The following DZANK1 variants were observed in gnomAD, a reference collection of about 807,000 sequenced individuals.
DZANK1 encodes the protein double zinc ribbon and ankyrin repeat domains 1.
In DZANK1, 91 loss-of-function variants were observed where a neutral mutation model predicts 94.5. The ratio of observed to expected loss-of-function variants is 0.96; its 90% CI spans 0.81 to 1.15. The LOEUF (loss-of-function observed/expected upper bound fraction) is 1.15, where lower values mean the gene tolerates loss of function less well. Ranked by LOEUF, DZANK1 falls within the 50% of genes most tolerant of loss-of-function variation. The probability of loss-of-function intolerance (pLI) is 0.00; values close to 1 mark genes in which losing one functional copy is unlikely to be tolerated. For synonymous variants in DZANK1, 312 were observed against 325.3 expected, an observed-to-expected ratio of 0.96 and a Z score of 0.44; for missense variants, 903 against 916.4, an observed-to-expected ratio of 0.99 and a Z score of 0.19.
intron 13 of DZANK1, among the ~76,000 whole-genome samples, chr20:18,404,152 C>T (rs1295114630): frequency 6.6e-6 from 1 of 151,812 alleles, no homozygotes; most frequent in Non-Finnish European, 1.5e-5. Flanking sequence ...CAACAGCTAC[C>T]ATTAGCATTA....
intron 7 of DZANK1, among the ~76,000 whole-genome samples, chr20:18,448,014 C>G (rs1449356590): frequency 6.6e-6 from 1 of 152,056 alleles, no homozygotes. Flanking sequence ...TAATTTTTAT[C>G]AATTTATTTA....
chr20:18,459,093 C>G (rs542379643), intron 3 of DZANK1, among the ~76,000 whole-genome samples: 1 of 152,348 alleles, frequency 6.6e-6, no homozygotes, highest in East Asian at 1.9e-4. Context: ...ATTGCCTCTT[C>G]ATTTTACTAC....
chr20:18,403,723 C>T (rs1238795678), intron 13 of DZANK1, among the ~76,000 whole-genome samples: 4 of 45,622 alleles, frequency 8.8e-5, no homozygotes, highest in African/African-American at 2.0e-4. Context: ...CAACCCACAG[C>T]CCATGGGTTG....
chr20:18,459,071 G>C (rs2059387251), intron 3 of DZANK1, among the ~76,000 whole-genome samples: 1 of 152,130 alleles, frequency 6.6e-6, no homozygotes, highest in African/African-American at 2.4e-5. Flanking sequence ...AAACTGCATA[G>C]TCAGTCATTA....
chr20:18,442,704 T>A (rs1016320771), intron 8 of DZANK1, among the ~76,000 whole-genome samples: 5 of 152,196 alleles, frequency 3.3e-5, no homozygotes, highest in African/African-American at 1.2e-4. Context: ...AAAATTGTAA[T>A]TTTTCACTCA....
At chr20:18,447,511 A>G (rs1238740247) in intron 7 of DZANK1, among the ~76,000 whole-genome samples, 2 of 151,442 alleles carry the variant, frequency 1.3e-5, no homozygotes, top group African/African-American at 2.4e-5. Flanking sequence ...TATTTTTAGT[A>G]GAGATGGGGT....
At chr20:18,411,894 C>T (rs1300581240) in intron 13 of DZANK1, among the ~76,000 whole-genome samples, 1 of 152,132 alleles carries the variant, frequency 6.6e-6, no homozygotes, top group Non-Finnish European at 1.5e-5. Flanking sequence ...TGCCTCGTTG[C>T]TGCATCCTCC....
chr20:18,446,084 A>G (rs1040772367), intron 7 of DZANK1, among the ~76,000 whole-genome samples: 13 of 152,224 alleles, frequency 8.5e-5, no homozygotes, highest in African/African-American at 1.2e-4. Context: ...AAAAAGAAAA[A>G]AAGTTTTTTA....
chr20:18,417,779 A>G lies in DZANK1; in HGVS notation c.955-2330T>C, dbSNP rs186492053. Among the ~76,000 whole-genome samples, 228 of 152,230 alleles carry G rather than the reference A, an allele frequency of 1.5e-3. 1 individual carries two copies. Among genetic ancestry groups the G allele is most frequent in the African/African-American group, 5.3e-3 (219 of 41,534 alleles). On this transcript the variant is annotated intron_variant, in intron 10 of 20. Coordinates refer to ENST00000262547, the Ensembl canonical transcript of DZANK1. ...ATAATAAATGACTCCCACACAAAAAACAACTATAAAATCTGCTGATAATAG... is the reference window on the plus strand; with the variant it reads ...ATAATAAATGACTCCCACACAAAAAGCAACTATAAAATCTGCTGATAATAG...
At chr20:18,409,188 A>T (rs2057108658) in intron 13 of DZANK1, among the ~76,000 whole-genome samples, 3 of 152,172 alleles carry the variant, frequency 2.0e-5, no homozygotes, top group Non-Finnish European at 4.4e-5. Context: ...AAAATTTTTT[A>T]AAAAGAAGCT....
intron 15 of DZANK1, among the ~76,000 whole-genome samples, chr20:18,395,392 C>T (rs556188232): frequency 1.2e-4 from 19 of 152,200 alleles, no homozygotes; most frequent in African/African-American, 4.1e-4. Flanking sequence ...CAAACCAAAA[C>T]AAAACAATGA....
chr20:18,434,861 G>A lies in DZANK1; in HGVS notation c.748-1096C>T, dbSNP rs117619309. On this transcript the variant is annotated intron_variant, in intron 8 of 20. Transcript: ENST00000262547. ...ACGATTTTGGTGGCAAGCAAACAAGGAAGACCAGTGGTCCCCTAGTCTGAG... is the reference window on the plus strand; with the variant it reads ...ACGATTTTGGTGGCAAGCAAACAAGAAAGACCAGTGGTCCCCTAGTCTGAG... 3.6e-3 allele frequency among the ~76,000 whole-genome samples: 544 copies of A among 152,294 alleles called. 1 individual carries two copies. The highest frequency in any genetic ancestry group is 6.8e-3 in the Middle Eastern group (2 of 294).
At chr20:18,431,307 A>G (rs984166128) in intron 9 of DZANK1, among the ~76,000 whole-genome samples, 1 of 152,178 alleles carries the variant, frequency 6.6e-6, no homozygotes, top group African/African-American at 2.4e-5. Context: ...TGCAACTACC[A>G]TGGAATCTGT....
chr20:18,418,062 G>A (rs1461918548), intron 10 of DZANK1, among the ~76,000 whole-genome samples: 11 of 151,932 alleles, frequency 7.2e-5, no homozygotes, highest in Admixed American at 7.2e-4. Flanking sequence ...CTCCAGCCTG[G>A]GCGACAGAGC....
chr20:18,419,723 T>C (rs1011452921), intron 10 of DZANK1, among the ~76,000 whole-genome samples: 1 of 152,092 alleles, frequency 6.6e-6, no homozygotes, highest in African/African-American at 2.4e-5. Flanking sequence ...TAAAGACATT[T>C]TCAGGTAAAA....
At chr20:18,436,052 T>C (rs1281791111) in intron 8 of DZANK1, among the ~76,000 whole-genome samples, 2 of 151,930 alleles carry the variant, frequency 1.3e-5, no homozygotes, top group East Asian at 3.9e-4. Flanking sequence ...AGAGGAAAAA[T>C]AGTCAATAGT....
In DZANK1 at chr20:18,453,831, G is replaced by GGA. The variant is rs1568544049; in HGVS notation, c.379-6_379-5dup. On this transcript the variant is annotated splice_polypyrimidine_tract_variant and splice_region_variant and intron_variant, in intron 4 of 20. Coordinates refer to ENST00000262547, the Ensembl canonical transcript of DZANK1. ...CAACAAATCCATTTTTGAATTCCTA[G>GGA]GAATGAAGAGATTGCATATCAATCA... is the stretch of plus-strand genomic sequence containing the variant. The GGA allele has an allele frequency of 4.6e-6, 7 of 1,525,994 alleles. No homozygotes were observed. In the African/African-American group the frequency reaches 9.6e-5, roughly 21 times the overall value. 94.5% of individuals were successfully genotyped at this position (1,525,994 alleles called of 1,614,324 possible).
intron 5 of DZANK1, 69 bp downstream of exon 5, chr20:18,453,662 C>T (rs76713485): frequency 0.09 from 97,740 of 1,090,506 alleles, 6,657 homozygotes; most frequent in East Asian, 0.33. Flanking sequence ...AAACATGCAA[C>T]GAACATGCCA....
chr20:18,383,452 C>T (rs896947497), exon 21 of DZANK1: 2 of 151,952 alleles, frequency 1.3e-5, no homozygotes, highest in Admixed American at 1.3e-4. Context: ...ATGATTTCAA[C>T]ATAAAAAAAT....
Sources: gnomAD v4.1 joint callset for allele counts (sites outside exome capture counted in the v4.1 genomes callset) on GRCh38, gnomAD v4.1.1 for gene constraint, MANE v1.5 for transcripts, NCBI Gene and HGNC (gene_info 2026-07-23, HGNC 2026-07-21) for gene names.